Variants in ACTN4 observed in about 807,000 individuals in gnomAD.
ACTN4 encodes alpha-actinin-4.
In ACTN4, 18 loss-of-function variants were observed where a neutral mutation model predicts 114.2. That is an observed-to-expected ratio of 0.16 (90% CI 0.11 to 0.23). ACTN4 has a LOEUF of 0.23. Ranked by LOEUF, ACTN4 falls within the 10% of genes least tolerant of loss-of-function variation. The pLI, the probability that ACTN4 is intolerant of heterozygous loss-of-function variation, is 1.00. For synonymous variants in ACTN4, 515 were observed against 506.3 expected (o/e 1.02, Z -0.23); for missense variants, 722 against 1,262.9 (o/e 0.57, Z 6.49).
chr19:38,648,479 T>G (rs1331556598), intron 1 of ACTN4, among the ~76,000 whole-genome samples: 1 of 150,974 alleles, frequency 6.6e-6, no homozygotes, highest in Non-Finnish European at 1.5e-5. Context: ...GATTGTGGGG[T>G]CTGAAGACGG....
At position 38,704,919 on chromosome 19, in the gene ACTN4, C is replaced by T. The variant is rs1968406507; in HGVS notation, c.398-15C>T. On this transcript the variant is annotated splice_polypyrimidine_tract_variant and intron_variant, in intron 3 of 20. Coordinates refer to ENST00000252699, the MANE Select transcript of ACTN4 (RefSeq NM_004924.6). ...TTAACGACCTTCTGCCCTCTGCCCC[C>T]TTCCCTGTGTGCAGAGATTGTGGAC... 1.2e-6 allele frequency: 2 copies of T among 1,613,354 alleles called. No individual in the cohort carries two copies. Among genetic ancestry groups the T allele is most frequent in the Non-Finnish European group, 1.7e-6 (2 of 1,179,240 alleles).
At position 38,727,878 on chromosome 19, in the gene ACTN4, AC is replaced by A; in HGVS notation, c.2338-64del. On this transcript the variant is annotated intron_variant, in intron 18 of 20. Coordinates refer to ENST00000252699, the MANE Select transcript of ACTN4 (RefSeq NM_004924.6). This position sits in a 1 kb window ranked among gnomAD's most constrained non-coding sequence, Gnocchi z 5.4. ...CCCTTCCCCCTGCCCTCTGCATGTGACCCCGATCCCTCATCCTGGTCTCCAC... is the reference window on the plus strand; with the variant it reads ...CCCTTCCCCCTGCCCTCTGCATGTGACCCGATCCCTCATCCTGGTCTCCAC... 5.4e-6 allele frequency: 8 copies of A among 1,482,180 alleles called. No individual in the cohort carries two copies. The highest frequency in any genetic ancestry group is 7.5e-6 in the Non-Finnish European group (8 of 1,069,842). 91.8% of individuals were successfully genotyped at this position (1,482,180 alleles called of 1,614,324 possible). A position where few individuals can be genotyped will look rare whatever the true frequency, so the allele number is the denominator to read the frequency against.
At chr19:38,678,732 G>A (rs943537290) in intron 1 of ACTN4, among the ~76,000 whole-genome samples, 3 of 152,038 alleles carry the variant, frequency 2.0e-5, no homozygotes, top group African/African-American at 7.3e-5. Context: ...CACCTTCTTC[G>A]CTGTCAGTGG....
chr19:38,671,775 G>C (rs949297276), intron 1 of ACTN4, among the ~76,000 whole-genome samples: 1 of 151,998 alleles, frequency 6.6e-6, no homozygotes, highest in African/African-American at 2.4e-5. Context: ...TTTGGAGCAG[G>C]CAGTCTGTCT....
intron 1 of ACTN4, among the ~76,000 whole-genome samples, chr19:38,682,842 TTCTA>T (rs796379894): frequency 5.3e-5 from 8 of 152,250 alleles, no homozygotes; most frequent in African/African-American, 1.9e-4. Context: ...GGTTGGCTCT[TTCTA>T]CTTATTCAGC....
intron 19 of ACTN4, chr19:38,728,435 C>CTCCTCCTCCTCT: frequency 1.9e-6 from 2 of 1,064,524 alleles, no homozygotes. Flanking sequence ...CCTCCTCCTC[C>CTCCTCCTCCTCT]TCCTCCTCCT....
chr19:38,697,424 C>G (rs4802743), intron 1 of ACTN4, among the ~76,000 whole-genome samples: 103,945 of 152,254 alleles, frequency 0.68, 36,296 homozygotes, highest in South Asian at 0.84. Flanking sequence ...GAGCCTGTCA[C>G]ATGCTTTAAA....
chr19:38,718,927 T>C (rs1042796734), intron 11 of ACTN4, among the ~76,000 whole-genome samples: 1 of 152,188 alleles, frequency 6.6e-6, no homozygotes, highest in Non-Finnish European at 1.5e-5. Context: ...CAGCCAGTGC[T>C]CACCCTCAGA....
chr19:38,665,036 T>C (rs910692445), intron 1 of ACTN4, among the ~76,000 whole-genome samples: 1 of 152,042 alleles, frequency 6.6e-6, no homozygotes, highest in Non-Finnish European at 1.5e-5. Context: ...AGGAGGCAGC[T>C]CAGATGTCAC....
intron 1 of ACTN4, among the ~76,000 whole-genome samples, chr19:38,687,252 C>T (rs373839817): frequency 1.3e-5 from 2 of 152,162 alleles, no homozygotes; most frequent in Non-Finnish European, 2.9e-5. Flanking sequence ...GGATTACAGG[C>T]GTGAGCCCCT....
At chr19:38,653,337 T>C (rs1976623880) in intron 1 of ACTN4, among the ~76,000 whole-genome samples, 1 of 152,114 alleles carries the variant, frequency 6.6e-6, no homozygotes, top group South Asian at 2.1e-4. Flanking sequence ...AGATGAACAC[T>C]TTCCGTTTTT....
chr19:38,690,065 G>A (rs1366651672), intron 1 of ACTN4, among the ~76,000 whole-genome samples: 3 of 152,214 alleles, frequency 2.0e-5, no homozygotes, highest in Non-Finnish European at 4.4e-5. Flanking sequence ...TAAAGAAATA[G>A]TCAAATCATC....
rs998278106 is a variant in ACTN4 at position 38,654,223 on chromosome 19, G to A, written c.162+6316G>A. 3.3e-5 allele frequency among the ~76,000 whole-genome samples: 5 copies of A among 152,258 alleles called. No homozygotes were observed. In the East Asian group the frequency reaches 7.7e-4, roughly 23 times the overall value. ...CTGTTTAAAGAAGGATCTTATGAAG[G>A]GGAGAAATTAACCACCTGACCCAGG... On this transcript the variant is annotated intron_variant, in intron 1 of 20. Transcript: ENST00000252699.
intron 12 of ACTN4, chr19:38,721,895 T>A: frequency 1.4e-6 from 1 of 723,792 alleles, no homozygotes; most frequent in Non-Finnish European, 2.4e-6. Flanking sequence ...GTGGGACACC[T>A]GAAGGATTTG....
At chr19:38,710,645 A>G (rs1968615621) in intron 8 of ACTN4, among the ~76,000 whole-genome samples, 1 of 152,122 alleles carries the variant, frequency 6.6e-6, no homozygotes, top group African/African-American at 2.4e-5. Flanking sequence ...CTGTCACAGG[A>G]GTGGAATAGA....
At chr19:38,667,588 A>T (rs1966999924) in intron 1 of ACTN4, among the ~76,000 whole-genome samples, 2 of 151,786 alleles carry the variant, frequency 1.3e-5, no homozygotes, top group Non-Finnish European at 2.9e-5. Flanking sequence ...CTGTTACAGT[A>T]TGGAATTTGT....
At chr19:38,700,334 C>T (rs1968229363) in intron 1 of ACTN4, among the ~76,000 whole-genome samples, 2 of 152,170 alleles carry the variant, frequency 1.3e-5, no homozygotes, top group African/African-American at 4.8e-5. Context: ...GACCTGGGTT[C>T]AAATCCAAGC....
intron 11 of ACTN4, 88 bp from the exon 12 acceptor site, chr19:38,721,450 C>G: frequency 1.3e-6 from 2 of 1,512,386 alleles, no homozygotes; most frequent in Non-Finnish European, 1.8e-6. Flanking sequence ...CACAGTCTCT[C>G]TTTCCCTCCC....
intron 1 of ACTN4, among the ~76,000 whole-genome samples, chr19:38,672,820 G>T (rs572802728): frequency 6.6e-6 from 1 of 152,156 alleles, no homozygotes; most frequent in African/African-American, 2.4e-5. Flanking sequence ...TGATCCACCT[G>T]CCTTGGCCTC....
Sources: gnomAD v4.1 joint callset for allele counts (sites outside exome capture counted in the v4.1 genomes callset) on GRCh38, gnomAD v4.1.1 for gene constraint, Gnocchi (gnomAD v3.1) non-coding constraint, MANE v1.5 for transcripts, NCBI Gene and HGNC (gene_info 2026-07-23, HGNC 2026-07-21) for gene names.